The following CTNNA2 variants were observed in gnomAD, a reference collection of about 807,000 sequenced individuals.
CTNNA2 encodes the protein catenin alpha 2.
In CTNNA2, 42 loss-of-function variants were observed where a neutral mutation model predicts 101.0. The ratio of observed to expected loss-of-function variants is 0.42; its 90% CI spans 0.32 to 0.54. The LOEUF (loss-of-function observed/expected upper bound fraction) is 0.54, where lower values mean the gene tolerates loss of function less well. CTNNA2 is among the 20% of genes least tolerant of loss of function. The pLI, the probability that CTNNA2 is intolerant of heterozygous loss-of-function variation, is 0.14. For synonymous variants in CTNNA2, 450 were observed against 456.4 expected, an observed-to-expected ratio of 0.99 and a Z score of 0.18; for missense variants, 871 against 1,223.1, an observed-to-expected ratio of 0.71 and a Z score of 4.29.
chr2:79,728,839 TC>T (rs891075113), intron 2 of CTNNA2, among the ~76,000 whole-genome samples: 1 of 152,210 alleles, frequency 6.6e-6, no homozygotes, highest in Non-Finnish European at 1.5e-5. Flanking sequence ...GGGAATCCTT[TC>T]CCCATTGCTT....
chr2:80,358,514 C>T (rs181808891), intron 7 of CTNNA2, among the ~76,000 whole-genome samples: 1 of 151,912 alleles, frequency 6.6e-6, no homozygotes, highest in Non-Finnish European at 1.5e-5. Flanking sequence ...CCATGCCTGC[C>T]TAATTTTTGT....
intron 2 of CTNNA2, among the ~76,000 whole-genome samples, chr2:79,267,488 G>A (rs1285551275): frequency 6.6e-6 from 1 of 152,094 alleles, no homozygotes; most frequent in Non-Finnish European, 1.5e-5. Flanking sequence ...ACCTACGAAA[G>A]GCCCCACCTC....
chr2:80,400,833 C>T (rs1386437084), intron 8 of CTNNA2, among the ~76,000 whole-genome samples: 2 of 152,180 alleles, frequency 1.3e-5, no homozygotes, highest in Non-Finnish European at 2.9e-5. Flanking sequence ...TGGCCATGGC[C>T]ACAACCTCAT....
intron 7 of CTNNA2, among the ~76,000 whole-genome samples, chr2:80,227,892 C>T (rs370816721): frequency 5.9e-5 from 9 of 151,940 alleles, no homozygotes; most frequent in Admixed American, 6.6e-5. Context: ...AGAATAACCA[C>T]ATGCTTAAGT....
intron 7 of CTNNA2, among the ~76,000 whole-genome samples, chr2:80,379,224 A>C (rs1676277732): frequency 6.6e-6 from 1 of 152,088 alleles, no homozygotes; most frequent in Admixed American, 6.5e-5. Context: ...AACTTGCAAA[A>C]GTTTCTTAAG....
intron 4 of CTNNA2, among the ~76,000 whole-genome samples, chr2:79,459,552 C>T (rs572959462): frequency 2.0e-5 from 3 of 152,064 alleles, no homozygotes; most frequent in South Asian, 2.1e-4. Flanking sequence ...CAGTTTTACT[C>T]GTAGGAACAT....
At chr2:80,100,808 C>T (rs1243030806) in intron 7 of CTNNA2, among the ~76,000 whole-genome samples, 2 of 152,206 alleles carry the variant, frequency 1.3e-5, no homozygotes, top group East Asian at 3.9e-4. Flanking sequence ...TTGGTGGAAA[C>T]CTTCAACCTT....
intron 9 of CTNNA2, among the ~76,000 whole-genome samples, chr2:80,490,713 A>G (rs1398991555): frequency 6.6e-6 from 1 of 152,156 alleles, no homozygotes; most frequent in African/African-American, 2.4e-5. Context: ...AAAAAAAGTC[A>G]TGATTTTTTT....
intron 7 of CTNNA2, among the ~76,000 whole-genome samples, chr2:80,176,908 G>A (rs1156925394): frequency 6.6e-6 from 1 of 152,114 alleles, no homozygotes; most frequent in Admixed American, 6.6e-5. Context: ...TTCTGGTGAT[G>A]GTGAGAAATG....
chr2:79,886,913 G>C (rs570992490), intron 6 of CTNNA2, among the ~76,000 whole-genome samples: 1 of 151,740 alleles, frequency 6.6e-6, no homozygotes, highest in Non-Finnish European at 1.5e-5. Flanking sequence ...TGCAACCTCT[G>C]CCTCAAGTAA....
In CTNNA2 at chr2:80,641,489, C is replaced by T. The variant is rs544602031; in HGVS notation, c.2575-6096C>T. Reference sequence around the variant, plus strand: ...TAATTCTCTTCTTTAATCGTATGCCCGGCCTCCACAAGTTAACATTCTAAG... The same window carrying T: ...TAATTCTCTTCTTTAATCGTATGCCTGGCCTCCACAAGTTAACATTCTAAG... On this transcript the variant is annotated intron_variant, in intron 18 of 18. Transcript: ENST00000402739. Among the ~76,000 whole-genome samples, 118 of 152,160 alleles carry T rather than the reference C, an allele frequency of 7.8e-4. 1 individual carries two copies. Among genetic ancestry groups the T allele is most frequent in the South Asian group, 4.6e-3 (22 of 4,826 alleles).
At chr2:79,222,421 T>C (rs1359140322) in intron 2 of CTNNA2, among the ~76,000 whole-genome samples, 2 of 152,108 alleles carry the variant, frequency 1.3e-5, no homozygotes, top group African/African-American at 4.8e-5. Context: ...GCTGCTGCTG[T>C]GTGGTGCAGG....
intron 4 of CTNNA2, among the ~76,000 whole-genome samples, chr2:79,403,930 T>C (rs986032749): frequency 1.3e-5 from 2 of 152,116 alleles, no homozygotes; most frequent in South Asian, 2.1e-4. Context: ...AGAGAAATTC[T>C]CATCCAAACT....
At chr2:80,241,196 C>A (rs975965134) in intron 7 of CTNNA2, among the ~76,000 whole-genome samples, 1 of 151,500 alleles carries the variant, frequency 6.6e-6, no homozygotes, top group Non-Finnish European at 1.5e-5. Flanking sequence ...ATTTTCACTG[C>A]AAATGTGATT....
intron 7 of CTNNA2, among the ~76,000 whole-genome samples, chr2:79,948,900 G>A (rs1010175134): frequency 2.0e-5 from 3 of 152,168 alleles, no homozygotes; most frequent in East Asian, 1.9e-4. Flanking sequence ...CCCGGGAGGC[G>A]GAGCTTGCAG....
At chr2:79,241,556 G>A (rs1455924281) in intron 2 of CTNNA2, among the ~76,000 whole-genome samples, 2 of 152,102 alleles carry the variant, frequency 1.3e-5, no homozygotes, top group Non-Finnish European at 2.9e-5. Flanking sequence ...GTCTATTTTT[G>A]CTTAATTAAT....
intron 7 of CTNNA2, among the ~76,000 whole-genome samples, chr2:80,213,371 A>G (rs1176823316): frequency 6.6e-6 from 1 of 152,100 alleles, no homozygotes; most frequent in Non-Finnish European, 1.5e-5. Context: ...ATTTCCCTCT[A>G]CACACTGCTT....
chr2:80,640,165 A>G (rs1673317009), intron 18 of CTNNA2, among the ~76,000 whole-genome samples: 1 of 152,210 alleles, frequency 6.6e-6, no homozygotes, highest in East Asian at 1.9e-4. Flanking sequence ...AACAATAGAA[A>G]TCAAACAATT....
chr2:80,564,769 T>C (rs1421474051), intron 12 of CTNNA2, among the ~76,000 whole-genome samples: 1 of 152,316 alleles, frequency 6.6e-6, no homozygotes, highest in East Asian at 1.9e-4. Flanking sequence ...AAGATGATGA[T>C]AGTTGTCTGG....
Sources: allele counts gnomAD v4.1 joint callset (sites outside exome capture counted in the v4.1 genomes callset), GRCh38; gene constraint gnomAD v4.1.1; transcripts MANE v1.5; gene names NCBI Gene and HGNC (gene_info 2026-07-23, HGNC 2026-07-21).